The following DMD variants were observed in gnomAD, a reference collection of about 807,000 sequenced individuals.
DMD encodes dystrophin.
DMD carries 63 observed loss-of-function variants against 330.1 expected under a neutral mutation model. That is an observed-to-expected ratio of 0.19 (90% CI 0.16 to 0.24). The LOEUF (loss-of-function observed/expected upper bound fraction) is 0.24. Ranked by LOEUF, DMD falls within the 10% of genes least tolerant of loss-of-function variation. The pLI, the probability that DMD is intolerant of heterozygous loss-of-function variation, is 1.00. For missense variants in DMD, 3,344 were observed against 2,684.1 expected (o/e 1.25, Z -5.43); for synonymous variants, 1,223 against 959.8 (o/e 1.27, Z -5.07).
At chrX:33,281,460 G>A (rs137944736) in intron 1 of DMD, among the ~76,000 whole-genome samples, 2,437 of 111,180 alleles carry the variant, frequency 0.022, 63 homozygotes, top group African/African-American at 0.075. Context: ...CCGGTCGCCG[G>A]GGTCTCCCAA....
At chrX:31,869,567 C>T in intron 48 of DMD, among the ~76,000 whole-genome samples, 1 of 108,928 alleles carries the variant, frequency 9.2e-6, no homozygotes, top group Non-Finnish European at 1.9e-5. Context: ...GACTTGGTGA[C>T]ACTGAGAACT....
intron 1 of DMD, among the ~76,000 whole-genome samples, chrX:33,232,530 C>T (rs757951802): frequency 1.8e-5 from 2 of 111,473 alleles, no homozygotes; most frequent in Non-Finnish European, 3.8e-5. Context: ...TCAGAACCAT[C>T]CTCTAATTAG....
chrX:32,721,467 G>T (rs114363318), intron 7 of DMD, among the ~76,000 whole-genome samples: 1 of 108,847 alleles, frequency 9.2e-6, no homozygotes, highest in Non-Finnish European at 1.9e-5. Context: ...TATTGAGCAC[G>T]TTTTAATTTC....
chrX:31,722,781 C>G (rs2085670586), intron 52 of DMD, among the ~76,000 whole-genome samples: 1 of 110,701 alleles, frequency 9.0e-6, no homozygotes, highest in East Asian at 2.8e-4. Flanking sequence ...CGCGGTGGCT[C>G]AGGTCTGTAA....
rs191191237 is a variant in DMD at position 32,562,182 on chromosome X, C to A, written c.1992+3520G>T. 6.3e-3 allele frequency among the ~76,000 whole-genome samples: 708 copies of A among 111,609 alleles called. 4 individuals carry two copies. The highest frequency in any genetic ancestry group is 0.013 in the Admixed American group (137 of 10,525). ...TTTGCCCTCTTTTCTCATTGTAAGC[C>A]TCCAGATAGCAAGAGTTATTATCTC... On this transcript the variant is annotated intron_variant, in intron 16 of 78. Transcript: ENST00000357033.
intron 1 of DMD, among the ~76,000 whole-genome samples, chrX:33,308,016 T>C (rs1312364956): frequency 8.9e-6 from 1 of 112,133 alleles, no homozygotes; most frequent in African/African-American, 3.2e-5. Context: ...GCTATTATCA[T>C]ACTTGGAAAC....
intron 2 of DMD, among the ~76,000 whole-genome samples, chrX:32,921,572 G>C (rs1445580754): frequency 9.0e-6 from 1 of 111,524 alleles, no homozygotes; most frequent in Non-Finnish European, 1.9e-5. Flanking sequence ...TGTATGTACA[G>C]CAGATATCTG....
intron 29 of DMD, among the ~76,000 whole-genome samples, chrX:32,419,449 G>A (rs2148010577): frequency 8.9e-6 from 1 of 112,151 alleles, no homozygotes; most frequent in East Asian, 2.8e-4. Flanking sequence ...CTCTTGTGAG[G>A]GGCTTTGGTA....
intron 22 of DMD, among the ~76,000 whole-genome samples, chrX:32,470,238 A>C (rs1007354754): frequency 3.6e-5 from 4 of 111,087 alleles, no homozygotes; most frequent in Non-Finnish European, 7.6e-5. Flanking sequence ...TACTCACAGA[A>C]AAAAAAAGAT....
Position 32,518,164 on chromosome X carries a change from T to A in DMD, c.2169-33A>T, listed in dbSNP as rs758344012. ...AGCAAAAAATAAAAGTCATTATTTCTTGATTATCTCTTTCTTCTATATTAA... is the reference window on the plus strand; with the variant it reads ...AGCAAAAAATAAAAGTCATTATTTCATGATTATCTCTTTCTTCTATATTAA... On this transcript the variant is annotated intron_variant, in intron 17 of 78. Transcript: ENST00000357033. The A allele has an allele frequency of 2.5e-6, 3 of 1,178,806 alleles. No individual in the cohort carries two copies. In the Admixed American group the frequency reaches 6.7e-5, roughly 26 times the overall value.
At chrX:33,066,222 C>T (rs989617458) in intron 1 of DMD, among the ~76,000 whole-genome samples, 9 of 108,553 alleles carry the variant, frequency 8.3e-5, no homozygotes, top group African/African-American at 3.0e-4. Flanking sequence ...GAGGCCGAGG[C>T]GGGCAGATCA....
intron 1 of DMD, among the ~76,000 whole-genome samples, chrX:33,118,800 T>C (rs1173018989): frequency 9.0e-6 from 1 of 111,594 alleles, no homozygotes; most frequent in Admixed American, 9.6e-5. Flanking sequence ...TGTCTATTTG[T>C]CCTTGTCTCA....
At chrX:32,556,417 A>T (rs1178367649) in intron 16 of DMD, among the ~76,000 whole-genome samples, 47 of 111,705 alleles carry the variant, frequency 4.2e-4, no homozygotes, top group Non-Finnish European at 1.9e-5. Flanking sequence ...GATTTCTCAA[A>T]GACTTAGAGG....
intron 44 of DMD, among the ~76,000 whole-genome samples, chrX:32,058,190 T>C (rs1223497299): frequency 1.8e-5 from 2 of 110,694 alleles, no homozygotes; most frequent in Non-Finnish European, 3.8e-5. Flanking sequence ...TTTTTTTGGA[T>C]ATGACGCTAA....
intron 1 of DMD, among the ~76,000 whole-genome samples, chrX:33,102,965 T>C (rs997476884): frequency 5.4e-5 from 6 of 111,556 alleles, no homozygotes; most frequent in African/African-American, 2.0e-4. Context: ...GTATGATTCA[T>C]TTTCTGTGAC....
intron 55 of DMD, chrX:31,508,219 A>T: frequency 8.3e-7 from 1 of 1,203,583 alleles, no homozygotes; most frequent in Non-Finnish European, 1.1e-6. Flanking sequence ...TTTACATGGT[A>T]TGTCTTCCTG....
chrX:32,408,478 A>T (rs1246982817), intron 30 of DMD, among the ~76,000 whole-genome samples: 2 of 111,936 alleles, frequency 1.8e-5, no homozygotes, highest in Non-Finnish European at 3.8e-5. Flanking sequence ...GCATTTCCTT[A>T]GTGCCATAGC....
At chrX:32,947,536 T>C (rs1317720229) in intron 2 of DMD, among the ~76,000 whole-genome samples, 2 of 111,543 alleles carry the variant, frequency 1.8e-5, no homozygotes, top group Non-Finnish European at 1.9e-5. Flanking sequence ...TAATTCAGTG[T>C]CAGGACAAAG....
chrX:33,027,334 C>T (rs555719484), intron 1 of DMD, among the ~76,000 whole-genome samples: 32 of 111,765 alleles, frequency 2.9e-4, no homozygotes, highest in African/African-American at 1.0e-3. Context: ...CGTGGGAATT[C>T]TCTAGAAAAT....
Sources: allele counts gnomAD v4.1 joint callset (sites outside exome capture counted in the v4.1 genomes callset), GRCh38; gene constraint gnomAD v4.1.1; transcripts MANE v1.5; gene names NCBI Gene and HGNC (gene_info 2026-07-23, HGNC 2026-07-21).